Variants in DMD observed in about 807,000 individuals in gnomAD.
DMD encodes the protein mutant dystrophin.
Under a neutral mutation model 330.1 loss-of-function variants are expected in DMD, and 63 were observed. The observed-to-expected ratio is 0.19, with a 90% CI of 0.16 to 0.24. DMD has a LOEUF of 0.24. Ranked by LOEUF, DMD falls within the 10% of genes least tolerant of loss-of-function variation. The pLI, the probability that DMD is intolerant of heterozygous loss-of-function variation, is 1.00. For synonymous variants in DMD, 1,223 were observed against 959.8 expected, an observed-to-expected ratio of 1.27 and a Z score of -5.07; for missense variants, 3,344 against 2,684.1, an observed-to-expected ratio of 1.25 and a Z score of -5.43.
intron 7 of DMD, among the ~76,000 whole-genome samples, chrX:32,749,449 T>C (rs1211627870): frequency 1.8e-5 from 2 of 112,300 alleles, no homozygotes; most frequent in African/African-American, 6.5e-5. Flanking sequence ...CTGAGTACAA[T>C]AATGATATTA....
At chrX:33,038,719 C>T (rs1218731135) in intron 1 of DMD, among the ~76,000 whole-genome samples, 1 of 112,117 alleles carries the variant, frequency 8.9e-6, no homozygotes. Context: ...TTTGGCTGGG[C>T]ACGGTGACTC....
chrX:33,223,445 A>G (rs1158923210), intron 1 of DMD, among the ~76,000 whole-genome samples: 1 of 112,561 alleles, frequency 8.9e-6, no homozygotes, highest in Non-Finnish European at 1.9e-5. Context: ...TCAATGGAAC[A>G]GAATAGAGAG....
intron 21 of DMD, among the ~76,000 whole-genome samples, chrX:32,474,446 C>A (rs967875999): frequency 8.9e-6 from 1 of 111,800 alleles, no homozygotes; most frequent in African/African-American, 3.3e-5. Flanking sequence ...ACACTCTTTT[C>A]CATAGTGGCT....
chrX:32,077,460 G>C (rs936549746), intron 44 of DMD, among the ~76,000 whole-genome samples: 5 of 111,484 alleles, frequency 4.5e-5, no homozygotes, highest in Non-Finnish European at 9.4e-5. Flanking sequence ...TGATAAAATA[G>C]AATATAAGAG....
chrX:33,041,557 G>C, intron 1 of DMD: 1 of 1,209,014 alleles, frequency 8.3e-7, no homozygotes. Context: ...AAAGCAGGCA[G>C]AGATCCTACA....
chrX:33,254,047 G>T (rs1015758540), intron 1 of DMD, among the ~76,000 whole-genome samples: 1 of 110,472 alleles, frequency 9.1e-6, no homozygotes, highest in Admixed American at 9.7e-5. Context: ...ATATTATTTT[G>T]TAAACAGTTA....
chrX:32,822,095 C>T (rs73621841), intron 5 of DMD, among the ~76,000 whole-genome samples: 3,098 of 111,498 alleles, frequency 0.028, 100 homozygotes, highest in African/African-American at 0.09. Context: ...CCAGTAAAAA[C>T]AGCAGTCATT....
intron 2 of DMD, among the ~76,000 whole-genome samples, chrX:32,899,784 C>G (rs761748489): frequency 2.7e-5 from 3 of 111,172 alleles, no homozygotes; most frequent in Non-Finnish European, 5.7e-5. Context: ...TATAAATAAG[C>G]TAAATAAATT....
chrX:32,953,813 C>G (rs991876903), intron 2 of DMD, among the ~76,000 whole-genome samples: 7 of 111,981 alleles, frequency 6.3e-5, no homozygotes, highest in Non-Finnish European at 1.3e-4. Context: ...GAATGTGTTA[C>G]CAAGAGGTTA....
rs748072289 is a variant in DMD at position 31,975,697 on chromosome X, T to A, written c.6439-7183A>T. Among the ~76,000 whole-genome samples, 3 of 112,043 alleles carry A rather than the reference T, an allele frequency of 2.7e-5. No homozygotes were observed. In the South Asian group the frequency reaches 1.1e-3, roughly 41 times the overall value. On this transcript the variant is annotated intron_variant, in intron 44 of 78. Coordinates refer to ENST00000357033, the MANE Select transcript of DMD (RefSeq NM_004006.3). The stretch of plus-strand genomic sequence containing the variant: ...AAAAACACTGTCTCAGGACGTGATA[T>A]TCGAAAGGAAGCATAGGTCATTTTA...
At chrX:33,059,673 CTTA>C (rs1164426328) in intron 1 of DMD, among the ~76,000 whole-genome samples, 3 of 111,694 alleles carry the variant, frequency 2.7e-5, no homozygotes, top group African/African-American at 9.7e-5. Context: ...CGAGCCCTAG[CTTA>C]TTATTTTCCC....
intron 37 of DMD, among the ~76,000 whole-genome samples, chrX:32,353,971 G>A (rs1390703164): frequency 9.0e-6 from 1 of 111,422 alleles, no homozygotes; most frequent in Non-Finnish European, 1.9e-5. Context: ...AGTTAACAAA[G>A]GATAACAGAC....
chrX:32,126,514 T>C (rs933360128), intron 44 of DMD, among the ~76,000 whole-genome samples: 3 of 112,213 alleles, frequency 2.7e-5, no homozygotes, highest in Non-Finnish European at 3.8e-5. Flanking sequence ...CAAGAGTTTC[T>C]AGTGTTTTGT....
At chrX:33,026,195 C>A (rs772824296) in intron 1 of DMD, among the ~76,000 whole-genome samples, 1 of 106,602 alleles carries the variant, frequency 9.4e-6, no homozygotes, top group African/African-American at 3.4e-5. Context: ...ATTAGCCGGG[C>A]GTGGTGGCGG....
intron 1 of DMD, among the ~76,000 whole-genome samples, chrX:33,329,047 T>TA (rs1354541831): frequency 1.8e-5 from 2 of 111,965 alleles, no homozygotes; most frequent in African/African-American, 6.5e-5. Context: ...TATAGTTCAG[T>TA]AAAACATTTT....
At chrX:31,861,841 A>T (rs1252814486) in intron 48 of DMD, among the ~76,000 whole-genome samples, 1 of 102,831 alleles carries the variant, frequency 9.7e-6, no homozygotes, top group Admixed American at 1.1e-4. Context: ...CGCCAAGCCA[A>T]GGAAAAGGGC....
At chrX:33,082,123 G>A (rs922867523) in intron 1 of DMD, among the ~76,000 whole-genome samples, 84 of 110,818 alleles carry the variant, frequency 7.6e-4, no homozygotes, top group African/African-American at 2.6e-3. Context: ...TAATTCAGTC[G>A]GCTGAGAAGA....
chrX:32,809,650 T>C (rs1212280579), intron 6 of DMD, 39 bp from the exon 7 acceptor site: 2 of 1,079,081 alleles, frequency 1.9e-6, no homozygotes, highest in Non-Finnish European at 2.6e-6. Context: ...CAAAGACAAA[T>C]ATAAATCAAT....
chrX:31,563,786 C>T (rs892153029), intron 55 of DMD, among the ~76,000 whole-genome samples: 1 of 111,906 alleles, frequency 8.9e-6, no homozygotes, highest in Non-Finnish European at 1.9e-5. Flanking sequence ...ATGATACATC[C>T]ACAAAATGGA....
Sources: allele counts gnomAD v4.1 joint callset (sites outside exome capture counted in the v4.1 genomes callset), GRCh38; gene constraint gnomAD v4.1.1; transcripts MANE v1.5; gene names NCBI Gene and HGNC (gene_info 2026-07-23, HGNC 2026-07-21).